CDKAL1: variants seen among roughly 807,000 people sequenced by gnomAD.
The protein encoded by CDKAL1 is threonylcarbamoyladenosine tRNA methylthiotransferase.
CDKAL1 carries 32 observed loss-of-function variants against 68.2 expected under a neutral mutation model. The observed-to-expected ratio is 0.47, with a 90% CI of 0.35 to 0.63. The LOEUF is 0.63. Ranked by LOEUF, CDKAL1 falls within the 30% of genes least tolerant of loss-of-function variation. The pLI is 0.00. For synonymous variants in CDKAL1, 234 were observed against 244.3 expected (o/e 0.96, Z 0.39); for missense variants, 606 against 696.7 (o/e 0.87, Z 1.47).
intron 9 of CDKAL1, among the ~76,000 whole-genome samples, chr6:20,897,149 G>C (rs1761733930): frequency 6.6e-6 from 1 of 152,124 alleles, no homozygotes. Context: ...GGGTGAACAA[G>C]CTTTCTTGGG....
At chr6:20,785,431 T>C (rs1775630536) in intron 8 of CDKAL1, among the ~76,000 whole-genome samples, 1 of 150,524 alleles carries the variant, frequency 6.6e-6, no homozygotes. Flanking sequence ...TTCTTCTGCC[T>C]CAGCCTCCTG....
At chr6:21,045,725 G>C (rs1770188138) in intron 11 of CDKAL1, among the ~76,000 whole-genome samples, 1 of 152,194 alleles carries the variant, frequency 6.6e-6, no homozygotes, top group African/African-American at 2.4e-5. Flanking sequence ...CCATGGACAA[G>C]TGACCTTATC....
At chr6:20,905,228 A>C (rs151124900) in intron 9 of CDKAL1, among the ~76,000 whole-genome samples, 2 of 152,344 alleles carry the variant, frequency 1.3e-5, no homozygotes, top group East Asian at 3.9e-4. Flanking sequence ...ACAAACTAGA[A>C]ATATTAAGAA....
intron 9 of CDKAL1, among the ~76,000 whole-genome samples, chr6:20,940,402 A>G (rs1763913411): frequency 6.6e-6 from 1 of 152,210 alleles, no homozygotes. Flanking sequence ...ACCTTATAAC[A>G]GTGCTGCCCA....
At chr6:20,632,538 C>G (rs1767720426) in intron 4 of CDKAL1, among the ~76,000 whole-genome samples, 1 of 152,232 alleles carries the variant, frequency 6.6e-6, no homozygotes, top group Non-Finnish European at 1.5e-5. Context: ...ACCAGACTCT[C>G]TGTCAGAGCT....
At chr6:21,103,229 C>T (rs1773669711) in intron 12 of CDKAL1, among the ~76,000 whole-genome samples, 1 of 152,102 alleles carries the variant, frequency 6.6e-6, no homozygotes, top group Non-Finnish European at 1.5e-5. Flanking sequence ...GTGGATGCTG[C>T]TAAAATTTGA....
chr6:21,141,519 A>G (rs1457102991), intron 13 of CDKAL1, among the ~76,000 whole-genome samples: 1 of 152,250 alleles, frequency 6.6e-6, no homozygotes, highest in Non-Finnish European at 1.5e-5. Context: ...TGCCTGACAC[A>G]TAGTGGGTAC....
intron 4 of CDKAL1, among the ~76,000 whole-genome samples, chr6:20,646,991 C>T (rs1021064646): frequency 1.3e-5 from 2 of 152,130 alleles, no homozygotes; most frequent in African/African-American, 2.4e-5. Context: ...GTGATCCACC[C>T]GCCTCGGCCT....
chr6:21,151,430 C>G (rs537494394), intron 13 of CDKAL1, among the ~76,000 whole-genome samples: 1 of 152,206 alleles, frequency 6.6e-6, no homozygotes, highest in African/African-American at 2.4e-5. Flanking sequence ...TTCTGTCTAC[C>G]TAAGAAATGA....
intron 13 of CDKAL1, among the ~76,000 whole-genome samples, chr6:21,128,450 T>C (rs1775128021): frequency 6.6e-6 from 1 of 152,336 alleles, no homozygotes; most frequent in Middle Eastern, 3.4e-3. Context: ...TACATTCAAT[T>C]TTACTACCTC....
At chr6:20,540,075 G>GTTTTTTTTTTTT (rs1763327687) in intron 2 of CDKAL1, among the ~76,000 whole-genome samples, 2 of 111,406 alleles carry the variant, frequency 1.8e-5, no homozygotes, top group African/African-American at 9.9e-5. Context: ...GATTGGGATT[G>GTTTTTTTTTTTT]TCTTTTTTTT....
At chr6:20,945,399 A>G (rs947416577) in intron 9 of CDKAL1, among the ~76,000 whole-genome samples, 20 of 152,362 alleles carry the variant, frequency 1.3e-4, no homozygotes, top group Admixed American at 1.1e-3. Flanking sequence ...CATTTTGGAT[A>G]AAGGAATATT....
At chr6:21,047,958 C>A (rs1207892186) in intron 11 of CDKAL1, among the ~76,000 whole-genome samples, 1 of 152,110 alleles carries the variant, frequency 6.6e-6, no homozygotes, top group African/African-American at 2.4e-5. Flanking sequence ...TGATTTGAAT[C>A]ATATCAATCG....
At chr6:20,696,549 G>C (rs932156149) in intron 5 of CDKAL1, among the ~76,000 whole-genome samples, 9 of 151,948 alleles carry the variant, frequency 5.9e-5, no homozygotes, top group African/African-American at 2.2e-4. Flanking sequence ...TCTGTCCATG[G>C]GTTTATGCTT....
intron 10 of CDKAL1, 135 bp downstream of exon 10, chr6:20,955,720 A>G: frequency 1.5e-6 from 1 of 681,860 alleles, no homozygotes; most frequent in Non-Finnish European, 2.3e-6. Context: ...CATTTCCAAG[A>G]ATGAATCAAG....
rs527937690 is a variant in CDKAL1 at position 21,154,558 on chromosome 6, G to T, written c.1300-43463G>T. ...ATTGCTTAGTTTCTGAAGCAATGGT[G>T]TAACTAGGTCTTTTGATATAATGTT... is the stretch of plus-strand genomic sequence containing the variant. On this transcript the variant is annotated intron_variant, in intron 13 of 15. Transcript: ENST00000274695. Among the ~76,000 whole-genome samples the T allele has an allele frequency of 3.3e-5, 5 of 152,284 alleles. No individual in the cohort carries two copies. In the East Asian group the frequency reaches 9.6e-4, roughly 29 times the overall value.
At chr6:20,710,236 A>G (rs1055886640) in intron 5 of CDKAL1, among the ~76,000 whole-genome samples, 61 of 152,190 alleles carry the variant, frequency 4.0e-4, no homozygotes, top group Admixed American at 3.9e-3. Flanking sequence ...ATTACATGCA[A>G]CATTGTTTGT....
At chr6:21,010,118 A>ATTTAT (rs1767933426) in intron 11 of CDKAL1, among the ~76,000 whole-genome samples, 17 of 152,260 alleles carry the variant, frequency 1.1e-4, no homozygotes, top group Admixed American at 1.1e-3. Context: ...AAATATGCAT[A>ATTTAT]GTATTACGTA....
intron 13 of CDKAL1, among the ~76,000 whole-genome samples, chr6:21,187,656 T>C (rs546632231): frequency 1.3e-5 from 2 of 152,326 alleles, no homozygotes; most frequent in South Asian, 4.2e-4. Flanking sequence ...AATGAGGACT[T>C]GGAGCAATGA....
Sources: allele counts gnomAD v4.1 joint callset (sites outside exome capture counted in the v4.1 genomes callset), GRCh38; gene constraint gnomAD v4.1.1; transcripts MANE v1.5; gene names NCBI Gene and HGNC (gene_info 2026-07-23, HGNC 2026-07-21).